Variants in SLC9A9 observed in about 807,000 individuals in gnomAD.
SLC9A9 encodes the protein solute carrier family 9 member A9.
Under a neutral mutation model 77.8 loss-of-function variants are expected in SLC9A9, and 62 were observed. The ratio of observed to expected loss-of-function variants is 0.80; its 90% CI spans 0.65 to 0.98. The LOEUF (loss-of-function observed/expected upper bound fraction) is 0.98. Among genes scored for constraint, SLC9A9 ranks in the 50% least tolerant of loss-of-function variants. The pLI, the probability that SLC9A9 is intolerant of heterozygous loss-of-function variation, is 0.00. For missense variants in SLC9A9, 775 were observed against 774.9 expected (o/e 1.00, Z 0.00); for synonymous variants, 320 against 283.5 (o/e 1.13, Z -1.29).
At chr3:143,596,398 G>A (rs2037752580) in intron 6 of SLC9A9, among the ~76,000 whole-genome samples, 1 of 152,134 alleles carries the variant, frequency 6.6e-6, no homozygotes, top group African/African-American at 2.4e-5. Context: ...GTGAGTGAAG[G>A]ATTTTGGTTT....
chr3:143,387,625 C>T lies in SLC9A9; in HGVS notation c.1470-5511G>A, dbSNP rs571722636. On this transcript the variant is annotated intron_variant, in intron 12 of 15. Coordinates refer to ENST00000316549, the MANE Select transcript of SLC9A9 (RefSeq NM_173653.4). ...AGCTGTGCCCTCGTACATCTCACTC[C>T]GGGTTCCTCATTTACAATGAGCATC... is the stretch of plus-strand genomic sequence containing the variant. Among the ~76,000 whole-genome samples, 8 of 152,194 alleles carry T rather than the reference C, an allele frequency of 5.3e-5. No homozygotes were observed. The South Asian group carries it at 6.2e-4, about 12-fold the overall frequency.
chr3:143,467,940 T>C (rs1256216586), intron 11 of SLC9A9, among the ~76,000 whole-genome samples: 1 of 152,194 alleles, frequency 6.6e-6, no homozygotes, highest in Admixed American at 6.5e-5. Flanking sequence ...TCTCTTGGAA[T>C]TGCCTTTTTT....
chr3:143,732,721 C>T (rs779954155), intron 4 of SLC9A9, among the ~76,000 whole-genome samples: 2 of 152,206 alleles, frequency 1.3e-5, no homozygotes, highest in African/African-American at 2.4e-5. Context: ...CCCAGCCACA[C>T]CTCCTGGGAA....
intron 6 of SLC9A9, among the ~76,000 whole-genome samples, chr3:143,606,962 T>C (rs2037938778): frequency 6.7e-6 from 1 of 148,674 alleles, no homozygotes; most frequent in Admixed American, 6.7e-5. Context: ...ACACTCAGAT[T>C]TGCTGTAGTA....
intron 4 of SLC9A9, among the ~76,000 whole-genome samples, chr3:143,754,617 G>T (rs546808559): frequency 1.3e-5 from 2 of 152,190 alleles, no homozygotes; most frequent in African/African-American, 2.4e-5. Flanking sequence ...CTACTGAAAA[G>T]GCTGTGTTGC....
At chr3:143,649,216 C>CT (rs1334553706) in intron 6 of SLC9A9, among the ~76,000 whole-genome samples, 3 of 152,176 alleles carry the variant, frequency 2.0e-5, no homozygotes, top group Non-Finnish European at 4.4e-5. Flanking sequence ...TTCCATATAT[C>CT]TTTTGCCTTC....
chr3:143,599,328 G>T (rs1346220584), intron 6 of SLC9A9, among the ~76,000 whole-genome samples: 2 of 152,014 alleles, frequency 1.3e-5, no homozygotes, highest in African/African-American at 4.8e-5. Flanking sequence ...AGTATAAAAC[G>T]CCAAATGCTC....
chr3:143,666,866 C>T (rs767587537), intron 5 of SLC9A9, among the ~76,000 whole-genome samples: 13 of 152,048 alleles, frequency 8.5e-5, no homozygotes, highest in East Asian at 3.8e-4. Flanking sequence ...TCCATGCTCA[C>T]GAATAGGAAT....
intron 6 of SLC9A9, among the ~76,000 whole-genome samples, chr3:143,590,954 G>A (rs191431580): frequency 6.6e-6 from 1 of 152,208 alleles, no homozygotes; most frequent in East Asian, 1.9e-4. Flanking sequence ...ACTGTGATGA[G>A]TGGCTGAATA....
chr3:143,573,944 G>C, intron 8 of SLC9A9, 144 bp downstream of exon 8: 1 of 712,348 alleles, frequency 1.4e-6, no homozygotes, highest in African/African-American at 1.8e-5. Context: ...GCGTACCCAA[G>C]AGAGGCTGAT....
At chr3:143,827,714 T>C (rs953888173) in intron 2 of SLC9A9, among the ~76,000 whole-genome samples, 11 of 152,214 alleles carry the variant, frequency 7.2e-5, no homozygotes, top group Non-Finnish European at 1.5e-4. Flanking sequence ...CATTCCAGCC[T>C]CTCCAAATCC....
At chr3:143,530,356 A>T (rs1204011501) in intron 9 of SLC9A9, among the ~76,000 whole-genome samples, 5 of 151,970 alleles carry the variant, frequency 3.3e-5, no homozygotes, top group African/African-American at 1.2e-4. Context: ...GTCTCACGAG[A>T]ACTGATGGTT....
chr3:143,672,187 A>AT (rs35500236), intron 5 of SLC9A9, among the ~76,000 whole-genome samples: 104,217 of 150,698 alleles, frequency 0.69, 36,758 homozygotes, highest in Non-Finnish European at 0.76. Context: ...TACATCTTAA[A>AT]TTTTTTTTTT....
intron 11 of SLC9A9, among the ~76,000 whole-genome samples, chr3:143,490,057 G>A (rs904251027): frequency 1.3e-5 from 2 of 152,212 alleles, no homozygotes; most frequent in South Asian, 4.2e-4. Context: ...AAGAACATTT[G>A]GGCACTGTTG....
intron 9 of SLC9A9, among the ~76,000 whole-genome samples, chr3:143,522,193 A>G (rs951333853): frequency 2.0e-5 from 3 of 152,190 alleles, no homozygotes; most frequent in Non-Finnish European, 4.4e-5. Context: ...ATCTTTCTCC[A>G]TCTAAAACAC....
chr3:143,492,291 CAAAAAAA>C (rs1171323568), intron 11 of SLC9A9, among the ~76,000 whole-genome samples: 2 of 60,184 alleles, frequency 3.3e-5, no homozygotes, highest in African/African-American at 6.2e-5. Flanking sequence ...GACTCCGTCT[CAAAAAAA>C]AAAAAAAAAA....
At chr3:143,332,858 C>G (rs1295261574) in intron 14 of SLC9A9, among the ~76,000 whole-genome samples, 1 of 152,220 alleles carries the variant, frequency 6.6e-6, no homozygotes, top group East Asian at 1.9e-4. Flanking sequence ...TCTTGATTGT[C>G]ATCTATATCG....
chr3:143,362,736 C>G (rs1012814671), intron 14 of SLC9A9, among the ~76,000 whole-genome samples: 5 of 152,174 alleles, frequency 3.3e-5, no homozygotes, highest in African/African-American at 1.2e-4. Flanking sequence ...ATTTACAGTG[C>G]CGTTCTTTCC....
At chr3:143,495,206 A>G (rs1414701675) in intron 10 of SLC9A9, 129 bp downstream of exon 10, 11 of 740,496 alleles carry the variant, frequency 1.5e-5, no homozygotes, top group African/African-American at 3.5e-5. Context: ...GAAATCACGT[A>G]TCTGCCTTGT....
Sources: gnomAD v4.1 joint callset for allele counts (sites outside exome capture counted in the v4.1 genomes callset) on GRCh38, gnomAD v4.1.1 for gene constraint, MANE v1.5 for transcripts, NCBI Gene and HGNC (gene_info 2026-07-23, HGNC 2026-07-21) for gene names.